The following RERE variants were observed in gnomAD, a reference collection of about 807,000 sequenced individuals.
RERE encodes arginine-glutamic acid dipeptide repeats protein.
In RERE, 40 loss-of-function variants were observed where a neutral mutation model predicts 146.1. The ratio of observed to expected loss-of-function variants is 0.27; its 90% CI spans 0.21 to 0.36. The LOEUF (loss-of-function observed/expected upper bound fraction) is 0.36, where lower values mean the gene tolerates loss of function less well. RERE is among the 10% of genes least tolerant of loss of function. The pLI is 1.00. For missense variants in RERE, 1,933 were observed against 2,138.7 expected (o/e 0.90, Z 1.90); for synonymous variants, 1,003 against 866.0 (o/e 1.16, Z -2.78).
In RERE at chr1:8,805,008, GTTTT is replaced by G. The variant is rs1186832596; in HGVS notation, c.-145+12148_-145+12151del. On this transcript the variant is annotated intron_variant, in intron 1 of 22. Coordinates refer to ENST00000400908, the MANE Select transcript of RERE (RefSeq NM_001042681.2). ...TTTTTTTTGTTTTGTTTTGTTTTTG[GTTTT>G]TTTTTTTTTTTTTTTTGAGACAGAG... Among the ~76,000 whole-genome samples the G allele has an allele frequency of 3.9e-5, 3 of 77,836 alleles. No homozygotes were observed. In the East Asian group the frequency reaches 2.0e-3, roughly 52 times the overall value. 51.1% of individuals were successfully genotyped at this position (77,836 alleles called of 152,430 possible).
chr1:8,635,805 AACTG>A (rs1178925341), intron 2 of RERE, among the ~76,000 whole-genome samples: 8 of 152,082 alleles, frequency 5.3e-5, no homozygotes, highest in Non-Finnish European at 1.2e-4. Context: ...TTCACACACA[AACTG>A]ACTGGGCACC....
rs139358415 is a variant in RERE at position 8,627,460 on chromosome 1, G to A, written c.326-3080C>T. Among the ~76,000 whole-genome samples the A allele has an allele frequency of 1.5e-4, 22 of 150,978 alleles. No individual in the cohort carries two copies. The East Asian group carries it at 4.1e-3, about 28-fold the overall frequency. On this transcript the variant is annotated intron_variant, in intron 2 of 22. Transcript: ENST00000400908. ...ACACTAAAAATACAAAAATTAGCTG[G>A]GTGTGGTGGCACACACCTGTAATCC...
chr1:8,366,379 A>C (rs1444552650), intron 12 of RERE, among the ~76,000 whole-genome samples: 1 of 152,256 alleles, frequency 6.6e-6, no homozygotes, highest in Non-Finnish European at 1.5e-5. Flanking sequence ...ATGTGTGTGA[A>C]CACAACGATG....
chr1:8,729,933 T>C (rs1279692161), intron 1 of RERE, among the ~76,000 whole-genome samples: 2 of 152,214 alleles, frequency 1.3e-5, no homozygotes, highest in Non-Finnish European at 2.9e-5. Context: ...AAAAATCTTA[T>C]GTAAGGGATG....
intron 1 of RERE, among the ~76,000 whole-genome samples, chr1:8,733,248 T>C (rs369161247): frequency 6.6e-6 from 1 of 152,200 alleles, no homozygotes. Context: ...ACAGGCCCAA[T>C]AATTTACATT....
At chr1:8,374,037 G>C (rs1285229744) in intron 12 of RERE, among the ~76,000 whole-genome samples, 1 of 152,230 alleles carries the variant, frequency 6.6e-6, no homozygotes, top group Non-Finnish European at 1.5e-5. Flanking sequence ...GTCTCTGAGT[G>C]CAGCAGGGAG....
intron 12 of RERE, among the ~76,000 whole-genome samples, chr1:8,370,492 T>C (rs1201239739): frequency 6.6e-6 from 1 of 152,220 alleles, no homozygotes; most frequent in Non-Finnish European, 1.5e-5. Context: ...ATTCATACCA[T>C]ATATGGCAGG....
intron 1 of RERE, among the ~76,000 whole-genome samples, chr1:8,811,166 C>T (rs982492459): frequency 6.6e-6 from 1 of 152,162 alleles, no homozygotes; most frequent in Non-Finnish European, 1.5e-5. Flanking sequence ...ATTTCCAGTG[C>T]CTCCCCAGGC....
chr1:8,585,472 T>A (rs1292582388), intron 4 of RERE, among the ~76,000 whole-genome samples: 1 of 152,124 alleles, frequency 6.6e-6, no homozygotes, highest in Admixed American at 6.6e-5. Context: ...TGCGATAACA[T>A]CTCTCACTAA....
intron 4 of RERE, among the ~76,000 whole-genome samples, chr1:8,584,992 C>CA (rs930152141): frequency 1.3e-5 from 2 of 151,546 alleles, no homozygotes; most frequent in African/African-American, 2.4e-5. Context: ...ACTCAAAGTA[C>CA]AAAAAAATTA....
At chr1:8,382,772 A>C (rs1311837894) in intron 12 of RERE, among the ~76,000 whole-genome samples, 4 of 152,164 alleles carry the variant, frequency 2.6e-5, no homozygotes, top group African/African-American at 9.7e-5. Context: ...AAATGGAGAA[A>C]AACCACCACA....
chr1:8,524,726 A>T (rs1645549014), intron 7 of RERE, among the ~76,000 whole-genome samples: 1 of 152,170 alleles, frequency 6.6e-6, no homozygotes, highest in South Asian at 2.1e-4. Flanking sequence ...ATTTGTCCTA[A>T]ATCTTATTCT....
intron 1 of RERE, among the ~76,000 whole-genome samples, chr1:8,672,670 A>C (rs1372301142): frequency 6.6e-6 from 1 of 152,252 alleles, no homozygotes; most frequent in Non-Finnish European, 1.5e-5. Context: ...AATGTCACTT[A>C]AAATTACTAC....
chr1:8,776,524 C>T (rs531214068), intron 1 of RERE, among the ~76,000 whole-genome samples: 15 of 152,294 alleles, frequency 9.8e-5, no homozygotes, highest in African/African-American at 3.6e-4. Context: ...TCTTGAACTC[C>T]TGGCTTCATG....
Position 8,355,733 on chromosome 1 carries a change from ACT to A in RERE, c.4487-136_4487-135del, listed in dbSNP as rs1313376090. The A allele has an allele frequency of 9.1e-6, 7 of 768,392 alleles. No homozygotes were observed. In the East Asian group the frequency reaches 2.1e-4, roughly 23 times the overall value. The allele number at this position is 768,392 out of a possible 1,614,324, so 47.6% of individuals were successfully genotyped here. A position where few individuals can be genotyped will look rare whatever the true frequency, so the allele number is the denominator to read the frequency against. ...GGACACAGGAGCCAGCCCCTCCCAG[ACT>A]CTGCAGACAGCCAGAGGGCAGAGCC... On this transcript the variant is annotated intron_variant, in intron 21 of 22. Coordinates refer to ENST00000400908, the MANE Select transcript of RERE (RefSeq NM_001042681.2).
chr1:8,439,114 A>G (rs1644211140), intron 11 of RERE, among the ~76,000 whole-genome samples: 1 of 152,224 alleles, frequency 6.6e-6, no homozygotes, highest in Non-Finnish European at 1.5e-5. Flanking sequence ...ACAAGGGGGA[A>G]GTCTGAGAAC....
At chr1:8,547,846 A>T (rs1245052712) in intron 6 of RERE, among the ~76,000 whole-genome samples, 1 of 152,238 alleles carries the variant, frequency 6.6e-6, no homozygotes, top group Non-Finnish European at 1.5e-5. Flanking sequence ...CAACCCAGCA[A>T]TCCCACTATT....
At chr1:8,510,014 G>T (rs1645311743) in intron 7 of RERE, among the ~76,000 whole-genome samples, 1 of 152,108 alleles carries the variant, frequency 6.6e-6, no homozygotes, top group African/African-American at 2.4e-5. Context: ...GGCAAAGGTG[G>T]TGGTAAATGT....
chr1:8,786,647 C>T lies in RERE; in HGVS notation c.-145+30513G>A, dbSNP rs12085790. ...CAGACCTCTGGGCTCACACCATTGG[C>T]ACCTCTGGTCCTGATGACAAAGGCC... On this transcript the variant is annotated intron_variant, in intron 1 of 22. Transcript: ENST00000400908. The T allele has an allele frequency of 3.8e-3, 2,920 of 772,048 alleles. 52 individuals are homozygous for T. The African/African-American group carries it at 0.04, about 11-fold the overall frequency. The allele number at this position is 772,048 out of a possible 1,614,324, so 47.8% of individuals were successfully genotyped here. A position where few individuals can be genotyped will look rare whatever the true frequency, so the allele number is the denominator to read the frequency against.
Sources: gnomAD v4.1 joint callset for allele counts (sites outside exome capture counted in the v4.1 genomes callset) on GRCh38, gnomAD v4.1.1 for gene constraint, MANE v1.5 for transcripts, NCBI Gene and HGNC (gene_info 2026-07-23, HGNC 2026-07-21) for gene names.